Variants in KHDRBS2 observed in about 807,000 individuals in gnomAD.
KHDRBS2 encodes KH RNA binding domain containing, signal transduction associated 2.
In KHDRBS2, 26 loss-of-function variants were observed where a neutral mutation model predicts 44.3. That is an observed-to-expected ratio of 0.59 (90% CI 0.43 to 0.81). The LOEUF is 0.81. Ranked by LOEUF, KHDRBS2 falls within the 40% of genes least tolerant of loss-of-function variation. The probability of loss-of-function intolerance (pLI) is 0.00; values close to 1 mark genes in which losing one functional copy is unlikely to be tolerated. For synonymous variants in KHDRBS2, 194 were observed against 151.1 expected (o/e 1.28, Z -2.08); for missense variants, 476 against 433.1 (o/e 1.10, Z -0.88).
the KHDRBS2 span, among the ~76,000 whole-genome samples, chr6:61,551,807 C>T: frequency 6.6e-6 from 1 of 152,204 alleles, no homozygotes; most frequent in African/African-American, 2.4e-5. Flanking sequence ...ATGCCTTCTG[C>T]TCTGCTCTTT....
the KHDRBS2 span, among the ~76,000 whole-genome samples, chr6:61,602,233 G>C: frequency 0.11 from 16,544 of 152,154 alleles, 998 homozygotes; most frequent in East Asian, 0.23. Context: ...CACCCAAGTA[G>C]CAATGTATTT....
At chr6:61,730,962 G>A (rs1774344877) in intron 7 of KHDRBS2, among the ~76,000 whole-genome samples, 1 of 151,940 alleles carries the variant, frequency 6.6e-6, no homozygotes, top group South Asian at 2.1e-4. Flanking sequence ...AAGAGAGAAT[G>A]TCCCTCATTA....
At chr6:61,978,437 T>C (rs1401986035) in intron 3 of KHDRBS2, among the ~76,000 whole-genome samples, 1 of 152,046 alleles carries the variant, frequency 6.6e-6, no homozygotes, top group African/African-American at 2.4e-5. Flanking sequence ...GGCATAATTA[T>C]CATCTACAAC....
In KHDRBS2 at chr6:62,204,148, T is replaced by C. The variant is rs186669454; in HGVS notation, c.92-26836A>G. 5.7e-3 allele frequency among the ~76,000 whole-genome samples: 866 copies of C among 152,272 alleles called. 7 individuals are homozygous for C. The highest frequency in any genetic ancestry group is 0.02 in the African/African-American group (839 of 41,554). On this transcript the variant is annotated intron_variant, in intron 1 of 8. Coordinates refer to ENST00000281156, the MANE Select transcript of KHDRBS2 (RefSeq NM_152688.4). ...TGTGGAACTGTGAGCCAAATAAATC[T>C]CTTTTGTTTACAAATATCATGCCTC... is the stretch of plus-strand genomic sequence containing the variant.
chr6:61,793,535 A>G (rs1784910825), intron 6 of KHDRBS2, among the ~76,000 whole-genome samples: 1 of 152,104 alleles, frequency 6.6e-6, no homozygotes, highest in South Asian at 2.1e-4. Flanking sequence ...AGGAGAAGTG[A>G]AAAAGAAGTT....
chr6:62,205,855 C>T (rs1311940055), intron 1 of KHDRBS2, among the ~76,000 whole-genome samples: 3 of 152,028 alleles, frequency 2.0e-5, no homozygotes, highest in Non-Finnish European at 2.9e-5. Flanking sequence ...TTAACTGTGA[C>T]AGGAAATGAA....
chr6:61,833,208 A>C (rs192693148), intron 6 of KHDRBS2, among the ~76,000 whole-genome samples: 24 of 152,216 alleles, frequency 1.6e-4, no homozygotes, highest in Admixed American at 1.3e-3. Context: ...TAGTTTGTGG[A>C]GCTATTATTG....
chr6:61,669,968 C>G, the KHDRBS2 span, among the ~76,000 whole-genome samples: 1 of 150,880 alleles, frequency 6.6e-6, no homozygotes, highest in African/African-American at 2.4e-5. Context: ...ACCAGAATCC[C>G]ACTTCAAATA....
chr6:61,861,551 C>T (rs959643239), intron 6 of KHDRBS2, among the ~76,000 whole-genome samples: 5 of 151,718 alleles, frequency 3.3e-5, no homozygotes, highest in African/African-American at 1.2e-4. Context: ...TCTGCGTTCT[C>T]TATTCTGTTC....
chr6:61,657,442 A>C, the KHDRBS2 span, among the ~76,000 whole-genome samples: 1 of 152,092 alleles, frequency 6.6e-6, no homozygotes, highest in African/African-American at 2.4e-5. Flanking sequence ...CATCGTTTCC[A>C]CGACAACAAC....
intron 6 of KHDRBS2, among the ~76,000 whole-genome samples, chr6:61,766,262 A>T (rs374014195): frequency 6.6e-6 from 1 of 151,906 alleles, no homozygotes; most frequent in African/African-American, 2.4e-5. Context: ...ATTAATTCAC[A>T]TATAGTTGCT....
the KHDRBS2 span, among the ~76,000 whole-genome samples, chr6:61,624,527 G>C: frequency 3.3e-4 from 51 of 152,272 alleles, no homozygotes; most frequent in African/African-American, 1.2e-3. Context: ...CGCACCATTT[G>C]CCTACTAAAA....
At chr6:61,870,613 C>T (rs568367030) in intron 6 of KHDRBS2, among the ~76,000 whole-genome samples, 5 of 152,100 alleles carry the variant, frequency 3.3e-5, no homozygotes, top group South Asian at 2.1e-4. Flanking sequence ...ATAGACACCT[C>T]GTACAGGAGA....
intron 3 of KHDRBS2, among the ~76,000 whole-genome samples, chr6:61,993,490 A>T (rs1299137499): frequency 6.6e-6 from 1 of 151,482 alleles, no homozygotes; most frequent in Non-Finnish European, 1.5e-5. Context: ...CAAAGTTTTA[A>T]TCCAATCTCT....
At chr6:62,028,199 G>A (rs554761131) in intron 3 of KHDRBS2, among the ~76,000 whole-genome samples, 1 of 152,208 alleles carries the variant, frequency 6.6e-6, no homozygotes, top group East Asian at 1.9e-4. Flanking sequence ...AGTCAGAAAT[G>A]AAGTCTTGAG....
chr6:62,156,887 G>A (rs1305725612), intron 2 of KHDRBS2, among the ~76,000 whole-genome samples: 15 of 142,504 alleles, frequency 1.1e-4, no homozygotes, highest in African/African-American at 2.9e-4. Flanking sequence ...GGGTTTCACC[G>A]TGTTAGCCAG....
chr6:61,957,964 G>T (rs62416677), intron 4 of KHDRBS2, among the ~76,000 whole-genome samples: 39,770 of 151,864 alleles, frequency 0.26, 5,590 homozygotes, highest in African/African-American at 0.33. Context: ...TTCTCAGACT[G>T]GCCAACACTT....
chr6:61,742,486 AT>A (rs1353691408), intron 6 of KHDRBS2, among the ~76,000 whole-genome samples: 2 of 151,942 alleles, frequency 1.3e-5, no homozygotes, highest in African/African-American at 4.8e-5. Flanking sequence ...TTTTCCATGT[AT>A]TTTTTCTTTA....
the KHDRBS2 span, among the ~76,000 whole-genome samples, chr6:61,659,623 A>C: frequency 6.6e-6 from 1 of 151,846 alleles, no homozygotes; most frequent in Non-Finnish European, 1.5e-5. Flanking sequence ...ATTTTAGTTC[A>C]CTTCGGTGTT....
Sources: gnomAD v4.1 joint callset for allele counts (sites outside exome capture counted in the v4.1 genomes callset) on GRCh38, gnomAD v4.1.1 for gene constraint, MANE v1.5 for transcripts, NCBI Gene and HGNC (gene_info 2026-07-23, HGNC 2026-07-21) for gene names.